Variants in TAOK1 observed in about 807,000 individuals in gnomAD.
TAOK1 encodes serine/threonine-protein kinase TAO1.
A neutral mutation model predicts 138.3 loss-of-function variants in TAOK1; 21 were observed. The observed-to-expected ratio is 0.15, with a 90% CI of 0.11 to 0.22. The LOEUF is 0.22. Ranked by LOEUF, TAOK1 falls within the 10% of genes least tolerant of loss-of-function variation. The pLI is 1.00. For synonymous variants in TAOK1, 361 were observed against 398.4 expected (o/e 0.91, Z 1.12); for missense variants, 651 against 1,227.7 (o/e 0.53, Z 7.02).
intron 3 of TAOK1, among the ~76,000 whole-genome samples, chr17:29,473,531 A>G (rs143590008): frequency 0.013 from 1,957 of 151,168 alleles, 43 homozygotes; most frequent in African/African-American, 0.044. Flanking sequence ...CCCAGGAGGC[A>G]GAAGTTGTAG....
intron 1 of TAOK1, among the ~76,000 whole-genome samples, chr17:29,408,197 G>A (rs1328598509): frequency 1.3e-5 from 2 of 150,556 alleles, no homozygotes; most frequent in Admixed American, 1.3e-4. Flanking sequence ...TATTACAGGT[G>A]TGTGCCACTG....
At chr17:29,537,823 T>C (rs900949757) in intron 19 of TAOK1, among the ~76,000 whole-genome samples, 3 of 152,092 alleles carry the variant, frequency 2.0e-5, no homozygotes, top group African/African-American at 7.2e-5. Flanking sequence ...CTATTTAAAA[T>C]AGAGATACGG....
At chr17:29,507,856 T>A in intron 13 of TAOK1, 40 bp from the exon 14 acceptor site, 1 of 1,571,284 alleles carries the variant, frequency 6.4e-7, no homozygotes, top group South Asian at 1.1e-5. Context: ...AAGAAGAATG[T>A]TTTATTTTCT....
In TAOK1 at chr17:29,538,255, T is replaced by C. The variant is rs1226276487; in HGVS notation, c.2544+3955T>C. ...CAAAATTTTAAAAGACAAATCCTAC[T>C]TGAAGTAATGTTAGTAGTGGCTATG... On this transcript the variant is annotated intron_variant, in intron 19 of 19. Coordinates refer to ENST00000261716, the MANE Select transcript of TAOK1 (RefSeq NM_020791.4). 3.3e-5 allele frequency among the ~76,000 whole-genome samples: 5 copies of C among 152,186 alleles called. No individual in the cohort carries two copies. In the East Asian group the frequency reaches 7.7e-4, roughly 23 times the overall value.
At chr17:29,407,469 A>T (rs140787378) in intron 1 of TAOK1, among the ~76,000 whole-genome samples, 2,287 of 152,038 alleles carry the variant, frequency 0.015, 55 homozygotes, top group African/African-American at 0.053. Flanking sequence ...TTTTTGAGAC[A>T]GAGTCTCACT....
At chr17:29,457,594 CG>C (rs2030419173) in intron 2 of TAOK1, among the ~76,000 whole-genome samples, 1 of 125,014 alleles carries the variant, frequency 8.0e-6, no homozygotes, top group Non-Finnish European at 1.7e-5. Flanking sequence ...TTAGTAGAGA[CG>C]GGGTTTCACC....
rs1219347481 is a variant in TAOK1, at chr17:29,531,031, G to A, written c.2361+412G>A. Among the ~76,000 whole-genome samples the A allele has an allele frequency of 1.8e-3, 245 of 138,392 alleles. 2 individuals are homozygous for A. The highest frequency in any genetic ancestry group is 6.4e-3 in the African/African-American group (231 of 36,172). The allele number at this position is 138,392 out of a possible 152,430, so 90.8% of individuals were successfully genotyped here. A position where few individuals can be genotyped will look rare whatever the true frequency, so the allele number is the denominator to read the frequency against. The stretch of plus-strand genomic sequence containing the variant: ...GGCTGGAGTCCAGTGGCGCGATCTC[G>A]GCTCACTGCAAGCTCCGCCTCCCGG... On this transcript the variant is annotated intron_variant, in intron 18 of 19. Transcript: ENST00000261716.
chr17:29,540,204 T>TA (rs1157274364), intron 19 of TAOK1, among the ~76,000 whole-genome samples: 1 of 152,222 alleles, frequency 6.6e-6, no homozygotes, highest in Admixed American at 6.5e-5. Context: ...AGGCATTTTT[T>TA]ATGAAGGTTG....
intron 1 of TAOK1, among the ~76,000 whole-genome samples, chr17:29,434,893 G>GC (rs1464350887): frequency 6.6e-6 from 1 of 152,102 alleles, no homozygotes; most frequent in African/African-American, 2.4e-5. Context: ...GGAGTTGCAT[G>GC]GACTCCTTGT....
In TAOK1 at chr17:29,545,814, T is replaced by G. The variant is rs2032393753; in HGVS notation, c.*2792T>G. 1 of 152,082 alleles carries G rather than the reference T, an allele frequency of 6.6e-6. No homozygotes were observed. Among genetic ancestry groups the G allele is most frequent in the African/African-American group, 2.4e-5 (1 of 41,446 alleles). The allele number at this position is 152,082 out of a possible 1,614,324, so 9.4% of individuals were successfully genotyped here. On this transcript the variant is annotated 3_prime_UTR_variant, in exon 20 of 20. Transcript: ENST00000261716. ...AATATTTGATCAAATTAACACTACC[T>G]CCTTCCCAGTGTTGGTGTTCACTCA...
intron 12 of TAOK1, among the ~76,000 whole-genome samples, chr17:29,500,452 T>C (rs2031503517): frequency 6.6e-6 from 1 of 152,092 alleles, no homozygotes; most frequent in African/African-American, 2.4e-5. Context: ...TAACAAATTG[T>C]GGTTTATAGG....
intron 9 of TAOK1, 132 bp from the exon 10 acceptor site, chr17:29,491,652 T>G (rs562059532): frequency 3.1e-6 from 2 of 638,164 alleles, no homozygotes; most frequent in South Asian, 3.8e-5. Context: ...TATATGAAAC[T>G]GTATAGTCTC....
At chr17:29,426,756 T>A (rs1263392418) in intron 1 of TAOK1, among the ~76,000 whole-genome samples, 4 of 151,784 alleles carry the variant, frequency 2.6e-5, no homozygotes, top group African/African-American at 9.7e-5. Context: ...TTGTTATGGA[T>A]TTTGAATTTG....
intron 1 of TAOK1, among the ~76,000 whole-genome samples, chr17:29,442,786 G>T (rs1177588425): frequency 1.3e-5 from 2 of 152,120 alleles, no homozygotes; most frequent in Admixed American, 1.3e-4. Context: ...GCCTGGCATG[G>T]TGGCTCATGC....
chr17:29,394,911 A>G (rs1904548667), intron 1 of TAOK1, among the ~76,000 whole-genome samples: 1 of 150,656 alleles, frequency 6.6e-6, no homozygotes, highest in Non-Finnish European at 1.5e-5. Context: ...CCTGGGCAAC[A>G]TAGCATGACC....
intron 8 of TAOK1, among the ~76,000 whole-genome samples, chr17:29,487,286 T>TAATG (rs892090350): frequency 9.0e-5 from 13 of 144,200 alleles, no homozygotes; most frequent in African/African-American, 3.4e-4. Context: ...GTATTAAGGA[T>TAATG]AATGAGAGCA....
intron 18 of TAOK1, among the ~76,000 whole-genome samples, chr17:29,532,443 A>G (rs1333259806): frequency 6.6e-6 from 1 of 151,442 alleles, no homozygotes; most frequent in Non-Finnish European, 1.5e-5. Context: ...AGGTCAGCAG[A>G]TAAACAAGTG....
intron 6 of TAOK1, among the ~76,000 whole-genome samples, chr17:29,479,718 A>AT (rs2031019807): frequency 1.3e-5 from 2 of 152,176 alleles, no homozygotes; most frequent in Non-Finnish European, 2.9e-5. Flanking sequence ...TGAATGATTA[A>AT]GTATATATTA....
rs190873054 is a variant in TAOK1, at chr17:29,499,621, G to A, written c.1203+1100G>A. ...GTTGCCCAGTCTGGAGTGCAGTGGC[G>A]CAATCTCGGCTCACTGCAACCTCTG... On this transcript the variant is annotated intron_variant, in intron 12 of 19. Coordinates refer to ENST00000261716, the MANE Select transcript of TAOK1 (RefSeq NM_020791.4). Among the ~76,000 whole-genome samples, 877 of 146,290 alleles carry A rather than the reference G, an allele frequency of 6.0e-3. 8 individuals carry two copies. Among genetic ancestry groups the A allele is most frequent in the Non-Finnish European group, 0.01 (697 of 67,104 alleles).
Sources: allele counts gnomAD v4.1 joint callset (sites outside exome capture counted in the v4.1 genomes callset), GRCh38; gene constraint gnomAD v4.1.1; transcripts MANE v1.5; gene names NCBI Gene and HGNC (gene_info 2026-07-23, HGNC 2026-07-21).